HSD17B3: variants seen among roughly 807,000 people sequenced by gnomAD.
HSD17B3 encodes the protein hydroxysteroid 17-beta dehydrogenase 3.
Under a neutral mutation model 41.1 loss-of-function variants are expected in HSD17B3, and 29 were observed. The observed-to-expected ratio is 0.71, with a 90% confidence interval of 0.53 to 0.96. HSD17B3 has a LOEUF of 0.96. HSD17B3 is among the 40% of genes least tolerant of loss of function. The pLI, the probability that HSD17B3 is intolerant of heterozygous loss-of-function variation, is 0.00. For missense variants in HSD17B3, 323 were observed against 374.6 expected (o/e 0.86, Z 1.14); for synonymous variants, 126 against 145.6 (o/e 0.87, Z 0.97).
At chr9:96,251,749 T>C (rs528995991) in intron 4 of HSD17B3, among the ~76,000 whole-genome samples, 1 of 152,316 alleles carries the variant, frequency 6.6e-6, no homozygotes, top group African/African-American at 2.4e-5. Context: ...TGTAAGTTTT[T>C]TAAAAATATA....
chr9:96,290,994 C>A (rs551080195), intron 2 of HSD17B3, among the ~76,000 whole-genome samples: 26 of 152,258 alleles, frequency 1.7e-4, no homozygotes, highest in African/African-American at 5.8e-4. Flanking sequence ...CCACCCACAC[C>A]CCTGCCAGTA....
chr9:96,264,421 G>A (rs1337265105), intron 2 of HSD17B3, among the ~76,000 whole-genome samples: 6 of 152,270 alleles, frequency 3.9e-5, no homozygotes, highest in African/African-American at 1.4e-4. Context: ...TGACAAAGAA[G>A]GAGGAGGAAG....
chr9:96,242,546 T>G (rs903788480), intron 9 of HSD17B3, among the ~76,000 whole-genome samples: 4 of 152,238 alleles, frequency 2.6e-5, no homozygotes, highest in Non-Finnish European at 5.9e-5. Flanking sequence ...TACTTCTTCA[T>G]GCATTCAGCG....
At chr9:96,281,261 G>A (rs1303373054) in intron 2 of HSD17B3, among the ~76,000 whole-genome samples, 1 of 151,996 alleles carries the variant, frequency 6.6e-6, no homozygotes, top group Non-Finnish European at 1.5e-5. Context: ...CACTAACCCT[G>A]AAGGCACAAT....
At chr9:96,295,762 G>C (rs974552863) in intron 2 of HSD17B3, among the ~76,000 whole-genome samples, 77 of 152,308 alleles carry the variant, frequency 5.1e-4, no homozygotes, top group African/African-American at 1.8e-3. Context: ...CAAGCCGTCT[G>C]GGACAAGAAA....
intron 6 of HSD17B3, among the ~76,000 whole-genome samples, chr9:96,247,807 A>G (rs369091483): frequency 3.3e-5 from 5 of 152,116 alleles, no homozygotes; most frequent in Admixed American, 2.0e-4. Context: ...TCCAATGTTC[A>G]GTTTCTTATT....
chr9:96,237,542 G>A (rs78923094), intron 10 of HSD17B3, among the ~76,000 whole-genome samples: 5,221 of 152,246 alleles, frequency 0.034, 225 homozygotes, highest in Admixed American at 0.12. Flanking sequence ...TTCCTGCCTC[G>A]GTCCCAGCCC....
At chr9:96,294,283 GAAAA>G (rs1471484340) in intron 2 of HSD17B3, among the ~76,000 whole-genome samples, 1 of 152,038 alleles carries the variant, frequency 6.6e-6, no homozygotes. Context: ...AGGCAAAGAG[GAAAA>G]AAGTCCACAA....
chr9:96,264,783 A>G (rs571837225), intron 2 of HSD17B3, among the ~76,000 whole-genome samples: 1 of 152,368 alleles, frequency 6.6e-6, no homozygotes, highest in East Asian at 1.9e-4. Flanking sequence ...TACAATAGCC[A>G]TGATAGAAAA....
chr9:96,272,541 C>T (rs1465997156), intron 2 of HSD17B3, among the ~76,000 whole-genome samples: 1 of 147,096 alleles, frequency 6.8e-6, no homozygotes, highest in Non-Finnish European at 1.5e-5. Context: ...ACACAACCAT[C>T]ATAATGGCTA....
At chr9:96,295,860 T>G (rs1827340078) in intron 2 of HSD17B3, among the ~76,000 whole-genome samples, 6 of 152,146 alleles carry the variant, frequency 3.9e-5, no homozygotes, top group Admixed American at 3.9e-4. Context: ...GCTGAAATCC[T>G]AACCCCCAAT....
intron 2 of HSD17B3, among the ~76,000 whole-genome samples, chr9:96,293,987 C>T (rs1044227317): frequency 2.0e-5 from 3 of 152,104 alleles, no homozygotes; most frequent in Non-Finnish European, 2.9e-5. Flanking sequence ...CATTACAGTC[C>T]ACAGCATCTC....
chr9:96,288,875 C>T (rs1051804919), intron 2 of HSD17B3, among the ~76,000 whole-genome samples: 1 of 150,838 alleles, frequency 6.6e-6, no homozygotes, highest in African/African-American at 2.4e-5. Flanking sequence ...AGGCGGAGCT[C>T]GCAATGAGCC....
In HSD17B3 at chr9:96,250,376, G is replaced by A. The variant is rs8190546; in HGVS notation, c.454-590C>T. 5.0e-3 allele frequency: 5,304 copies of A among 1,071,260 alleles called. 14 individuals are homozygous for A. Among genetic ancestry groups the A allele is most frequent in the Non-Finnish European group, 5.3e-3 (4,669 of 882,358 alleles). The allele number at this position is 1,071,260 out of a possible 1,614,324, so 66.4% of individuals were successfully genotyped here. On this transcript the variant is annotated intron_variant, in intron 5 of 10. Coordinates refer to ENST00000375263, the MANE Select transcript of HSD17B3 (RefSeq NM_000197.2). ...GACAGAGCCCACACAGGAGATGTGT[G>A]GTCCAGAGAGGAGTTCAGGAGTTTG...
Position 96,249,757 on chromosome 9 carries a change from T to G in HSD17B3, c.483A>C (p.Val161=), listed in dbSNP as rs1421829952. The G allele has an allele frequency of 6.2e-7, 1 of 1,614,078 alleles. No individual in the cohort carries two copies. Among genetic ancestry groups the G allele is most frequent in the Non-Finnish European group, 8.5e-7 (1 of 1,179,948 alleles). Residue 161 remains valine (V), a synonymous_variant, in exon 6 of 11, where the codon GTA becomes GTC. Transcript: ENST00000375263. ...QSLIHCNITS[V]VKMTQLILKH... ...ACATATATTGATCACATACCTTGAC[T>G]ACGGAGGTGATGTTACAATGGATGA...
chr9:96,244,043 G>A (rs552096327), intron 9 of HSD17B3, among the ~76,000 whole-genome samples: 2 of 152,344 alleles, frequency 1.3e-5, no homozygotes, highest in East Asian at 3.9e-4. Context: ...CAGGTAGCAA[G>A]AAGGTCCACA....
chr9:96,262,074 A>G (rs543800637), intron 2 of HSD17B3, among the ~76,000 whole-genome samples: 197 of 152,224 alleles, frequency 1.3e-3, no homozygotes, highest in Non-Finnish European at 1.9e-3. Flanking sequence ...AAGAACCACT[A>G]TGAAGTTTAA....
chr9:96,236,503 C>T (rs905622482), intron 10 of HSD17B3, among the ~76,000 whole-genome samples: 3 of 132,766 alleles, frequency 2.3e-5, no homozygotes, highest in South Asian at 2.4e-4. Flanking sequence ...GGTGACAGAG[C>T]GAGAGTCTGT....
rs1227066067 is a variant in HSD17B3 at position 96,240,935 on chromosome 9, C to T, written c.673-28G>A. On this transcript the variant is annotated intron_variant, in intron 9 of 10. Transcript: ENST00000375263. Reference sequence around the variant, plus strand: ...ACAACGGGAAACAAAGACCATGGCACAGAAGCAATCCACCCCAGGAAGAAG... The same window carrying T: ...ACAACGGGAAACAAAGACCATGGCATAGAAGCAATCCACCCCAGGAAGAAG... The T allele has an allele frequency of 3.7e-6, 6 of 1,613,712 alleles. No homozygotes were observed. In the African/African-American group the frequency reaches 6.7e-5, roughly 18 times the overall value.
Sources: gnomAD v4.1 joint callset for allele counts (sites outside exome capture counted in the v4.1 genomes callset) on GRCh38, gnomAD v4.1.1 for gene constraint, MANE v1.5 for transcripts, NCBI Gene and HGNC (gene_info 2026-07-23, HGNC 2026-07-21) for gene names.